The following PTPN13 variants were observed in gnomAD, a reference collection of about 807,000 sequenced individuals.
PTPN13 encodes the protein protein tyrosine phosphatase non-receptor type 13.
PTPN13 carries 191 observed loss-of-function variants against 284.0 expected under a neutral mutation model. That is an observed-to-expected ratio of 0.67 (90% CI 0.60 to 0.76). The LOEUF (loss-of-function observed/expected upper bound fraction) is 0.76, where lower values mean the gene tolerates loss of function less well. Ranked by LOEUF, PTPN13 falls within the 30% of genes least tolerant of loss-of-function variation. The pLI is 0.00. For synonymous variants in PTPN13, 986 were observed against 1,022.3 expected (o/e 0.96, Z 0.68); for missense variants, 2,797 against 2,939.9 (o/e 0.95, Z 1.12).
intron 1 of PTPN13, among the ~76,000 whole-genome samples, chr4:86,599,299 T>C (rs1764095638): frequency 6.6e-6 from 1 of 152,160 alleles, no homozygotes; most frequent in Non-Finnish European, 1.5e-5. Context: ...TCTATATAAA[T>C]CTTAAGAATT....
chr4:86,610,741 A>C (rs1765191549), intron 1 of PTPN13, among the ~76,000 whole-genome samples: 1 of 152,250 alleles, frequency 6.6e-6, no homozygotes, highest in South Asian at 2.1e-4. Flanking sequence ...TAGGCCAAAC[A>C]AAACATGTCA....
intron 6 of PTPN13, among the ~76,000 whole-genome samples, chr4:86,696,717 A>G (rs1359269090): frequency 6.6e-6 from 1 of 152,022 alleles, no homozygotes; most frequent in African/African-American, 2.4e-5. Flanking sequence ...TTTATCCTCT[A>G]ATAGTCATAT....
intron 7 of PTPN13, among the ~76,000 whole-genome samples, chr4:86,702,133 G>T (rs548550310): frequency 6.6e-5 from 10 of 152,126 alleles, no homozygotes; most frequent in African/African-American, 2.4e-4. Flanking sequence ...CCACCATACC[G>T]TCTACCATGC....
chr4:86,752,397 C>G (rs999923208), intron 19 of PTPN13, among the ~76,000 whole-genome samples: 1 of 152,056 alleles, frequency 6.6e-6, no homozygotes, highest in African/African-American at 2.4e-5. Flanking sequence ...CTTTCAGAGA[C>G]TATACTATCA....
chr4:86,704,442 A>G (rs1309732192), intron 7 of PTPN13, among the ~76,000 whole-genome samples: 1 of 152,200 alleles, frequency 6.6e-6, no homozygotes, highest in African/African-American at 2.4e-5. Flanking sequence ...AACAAAATAT[A>G]TTAGACTATT....
chr4:86,631,210 C>T (rs932346617), intron 1 of PTPN13, among the ~76,000 whole-genome samples: 6 of 152,116 alleles, frequency 3.9e-5, no homozygotes, highest in African/African-American at 1.4e-4. Flanking sequence ...AAGCAATAGG[C>T]TTTAAAAAAT....
chr4:86,674,423 T>C (rs1035646101), intron 3 of PTPN13, among the ~76,000 whole-genome samples: 1 of 152,226 alleles, frequency 6.6e-6, no homozygotes, highest in East Asian at 1.9e-4. Flanking sequence ...GAATTCTAAT[T>C]TCTTTAAACT....
chr4:86,783,671 T>A (rs1224805586), intron 37 of PTPN13, among the ~76,000 whole-genome samples: 1 of 152,120 alleles, frequency 6.6e-6, no homozygotes, highest in Non-Finnish European at 1.5e-5. Flanking sequence ...TTTAAAATTC[T>A]ATTGCATCTA....
intron 6 of PTPN13, among the ~76,000 whole-genome samples, chr4:86,695,226 GT>G (rs1242103080): frequency 6.6e-6 from 1 of 151,914 alleles, no homozygotes; most frequent in Non-Finnish European, 1.5e-5. Flanking sequence ...TTAGATCAGA[GT>G]TTTTTTCTAA....
intron 10 of PTPN13, among the ~76,000 whole-genome samples, chr4:86,725,192 C>T (rs1578504103): frequency 6.6e-6 from 1 of 150,806 alleles, no homozygotes; most frequent in East Asian, 1.9e-4. Context: ...GTATATGTGC[C>T]ACATTTTCTT....
At chr4:86,729,029 C>T (rs768380284) in intron 10 of PTPN13, among the ~76,000 whole-genome samples, 2 of 149,086 alleles carry the variant, frequency 1.3e-5, no homozygotes, top group African/African-American at 2.4e-5. Flanking sequence ...TTTTGTAAGG[C>T]AGGCCTGATG....
chr4:86,684,887 T>C (rs1206984484), intron 3 of PTPN13, among the ~76,000 whole-genome samples: 1 of 152,138 alleles, frequency 6.6e-6, no homozygotes, highest in Non-Finnish European at 1.5e-5. Context: ...GGAAAGATGA[T>C]TACTTATAAC....
intron 1 of PTPN13, among the ~76,000 whole-genome samples, chr4:86,611,401 A>G (rs1719869335): frequency 6.6e-6 from 1 of 152,150 alleles, no homozygotes; most frequent in African/African-American, 2.4e-5. Flanking sequence ...ATTTGACCCT[A>G]CTCTATCAGG....
Position 86,722,246 on chromosome 4 carries a change from A to G in PTPN13, c.1420A>G (p.Ile474Val), listed in dbSNP as rs368598120. ...TGAAACACCCTTTGAAGGCAACTTA[A>G]TTAATCAAGAGATCATGCTAAAACG... ...QYETPFEGNL[I>V]NQEIMLKRQE... The change falls in exon 10 of 48, where the codon ATT becomes GTT. Residue 474 changes from isoleucine to valine, a missense_variant. By Grantham distance (29) the Ile-to-Val change is conservative (BLOSUM62 3). Coordinates refer to ENST00000411767, the MANE Select transcript of PTPN13 (RefSeq NM_080683.3). The G allele has an allele frequency of 1.1e-5, 17 of 1,613,742 alleles. No homozygotes were observed. The highest frequency in any genetic ancestry group is 1.3e-5 in the Non-Finnish European group (15 of 1,179,820).
At chr4:86,729,459 T>C (rs112866558) in intron 10 of PTPN13, among the ~76,000 whole-genome samples, 5,746 of 149,764 alleles carry the variant, frequency 0.038, 576 homozygotes, top group African/African-American at 0.13. Flanking sequence ...CCATTTTCCC[T>C]GTCACTGTCA....
chr4:86,787,533 G>A (rs572884063), intron 40 of PTPN13, among the ~76,000 whole-genome samples: 2 of 151,412 alleles, frequency 1.3e-5, no homozygotes, highest in East Asian at 2.0e-4. Context: ...CGGAGGTTGC[G>A]GTGAGCCGAA....
At chr4:86,711,307 A>G (rs1400501244) in intron 7 of PTPN13, among the ~76,000 whole-genome samples, 2 of 151,838 alleles carry the variant, frequency 1.3e-5, no homozygotes, top group African/African-American at 2.4e-5. Flanking sequence ...ACCCAACATG[A>G]TGGCCCAAAT....
At chr4:86,713,922 G>A (rs1459131320) in intron 7 of PTPN13, among the ~76,000 whole-genome samples, 1 of 151,774 alleles carries the variant, frequency 6.6e-6, no homozygotes, top group Non-Finnish European at 1.5e-5. Context: ...CCAACATAAG[G>A]AATAATTCAT....
intron 36 of PTPN13, among the ~76,000 whole-genome samples, chr4:86,781,351 A>T (rs963588243): frequency 2.0e-5 from 3 of 152,176 alleles, no homozygotes; most frequent in African/African-American, 7.2e-5. Flanking sequence ...AGTTATATTT[A>T]AATATGTGAT....
Sources: allele counts gnomAD v4.1 joint callset (sites outside exome capture counted in the v4.1 genomes callset), GRCh38; gene constraint gnomAD v4.1.1; transcripts MANE v1.5; gene names NCBI Gene and HGNC (gene_info 2026-07-23, HGNC 2026-07-21).